Variants in HHLA2 observed in about 807,000 individuals in gnomAD.
HHLA2 encodes the protein HERV-H LTR-associating protein 2.
A neutral mutation model predicts 45.9 loss-of-function variants in HHLA2; 48 were observed. The ratio of observed to expected loss-of-function variants is 1.05; its 90% confidence interval spans 0.83 to 1.33. The LOEUF (loss-of-function observed/expected upper bound fraction) is 1.33, where lower values mean the gene tolerates loss of function less well. Ranked by LOEUF, HHLA2 falls within the 40% of genes most tolerant of loss-of-function variation. The probability of loss-of-function intolerance (pLI) is 0.00; values close to 1 mark genes in which losing one functional copy is unlikely to be tolerated. For missense variants in HHLA2, 462 were observed against 494.3 expected, an observed-to-expected ratio of 0.93 and a Z score of 0.62; for synonymous variants, 161 against 173.9, an observed-to-expected ratio of 0.93 and a Z score of 0.59.
At chr3:108,353,073 A>G (rs1239938121) in intron 4 of HHLA2, among the ~76,000 whole-genome samples, 1 of 152,206 alleles carries the variant, frequency 6.6e-6, no homozygotes, top group African/African-American at 2.4e-5. Context: ...TTAAATGTGA[A>G]TGTGTTCTGG....
intron 4 of HHLA2, among the ~76,000 whole-genome samples, chr3:108,352,370 C>G (rs774049770): frequency 6.6e-5 from 10 of 152,156 alleles, no homozygotes; most frequent in Non-Finnish European, 1.2e-4. Flanking sequence ...GAGATTAAGT[C>G]TCTCTGAGGA....
In HHLA2 at chr3:108,373,016, G is replaced by C. The variant is rs564985544; in HGVS notation, c.1109-2734G>C. ...CATCCTGATAGCAAAGCCTGGCAGAGACACAACCAAAAAAGAGAATTTTAG... is the reference window on the plus strand; with the variant it reads ...CATCCTGATAGCAAAGCCTGGCAGACACACAACCAAAAAAGAGAATTTTAG... On this transcript the variant is annotated intron_variant, in intron 8 of 10. Coordinates refer to ENST00000619531, the Ensembl canonical transcript of HHLA2. Among the ~76,000 whole-genome samples, 4 of 152,254 alleles carry C rather than the reference G, an allele frequency of 2.6e-5. No homozygotes were observed. In the East Asian group the frequency reaches 7.7e-4, roughly 29 times the overall value.
At chr3:108,353,389 A>ATTAAT in intron 4 of HHLA2, 38 bp from the exon 4 acceptor site, 6 of 1,337,580 alleles carry the variant, frequency 4.5e-6, no homozygotes, top group Non-Finnish European at 6.1e-6. Flanking sequence ...AGCACATGGC[A>ATTAAT]TTAATTCTCT....
chr3:108,346,116 C>A (rs2081656755), intron 3 of HHLA2, among the ~76,000 whole-genome samples: 1 of 79,198 alleles, frequency 1.3e-5, no homozygotes, highest in Admixed American at 1.1e-4. Flanking sequence ...TCACCTCCCC[C>A]AAAACGTTAG....
chr3:108,373,919 A>T (rs2082226411), intron 8 of HHLA2, among the ~76,000 whole-genome samples: 1 of 150,846 alleles, frequency 6.6e-6, no homozygotes, highest in African/African-American at 2.4e-5. Context: ...TAATTTATAG[A>T]TTCAATGCCA....
chr3:108,313,722 G>A (rs1437240189), intron 2 of HHLA2, among the ~76,000 whole-genome samples: 3 of 152,182 alleles, frequency 2.0e-5, no homozygotes, highest in Non-Finnish European at 4.4e-5. Context: ...TGTCCTGTAT[G>A]GACCCTACCT....
chr3:108,308,155 G>A (rs990065677), intron 1 of HHLA2, among the ~76,000 whole-genome samples: 7 of 151,792 alleles, frequency 4.6e-5, no homozygotes, highest in Admixed American at 1.3e-4. Flanking sequence ...CACCTTCCCC[G>A]CAACCACCAC....
chr3:108,376,447 TG>T, intron 9 of HHLA2, 45 bp from the exon 9 acceptor site: 1 of 1,475,658 alleles, frequency 6.8e-7, no homozygotes, highest in Non-Finnish European at 9.3e-7. Context: ...AGAATTTTGG[TG>T]TTTGCAAAGA....
intron 5 of HHLA2, among the ~76,000 whole-genome samples, chr3:108,354,779 G>T (rs75856018): frequency 2.0e-5 from 3 of 152,044 alleles, no homozygotes; most frequent in Non-Finnish European, 4.4e-5. Flanking sequence ...GTAGAGTGCC[G>T]CATGAACTCT....
At chr3:108,314,603 A>C (rs2081073974) in intron 2 of HHLA2, among the ~76,000 whole-genome samples, 2 of 152,228 alleles carry the variant, frequency 1.3e-5, no homozygotes, top group African/African-American at 4.8e-5. Flanking sequence ...CCCCGGTCAA[A>C]AGGAAAGCTG....
chr3:108,343,935 A>G (rs549362031), intron 3 of HHLA2, among the ~76,000 whole-genome samples: 3 of 152,314 alleles, frequency 2.0e-5, no homozygotes, highest in African/African-American at 7.2e-5. Context: ...ATCCTCCTCA[A>G]TGTTACAGAA....
intron 2 of HHLA2, among the ~76,000 whole-genome samples, chr3:108,324,526 C>A (rs2081256643): frequency 6.6e-6 from 1 of 152,214 alleles, no homozygotes; most frequent in Admixed American, 6.5e-5. Flanking sequence ...ATCAAGCACT[C>A]CTAGGCTTTC....
chr3:108,298,646 C>T (rs562300255), intron 1 of HHLA2, among the ~76,000 whole-genome samples: 107 of 152,290 alleles, frequency 7.0e-4, no homozygotes, highest in African/African-American at 2.4e-3. Context: ...CTGTTGGAGA[C>T]TAGAATGCAG....
chr3:108,350,845 C>G (rs896062286), intron 3 of HHLA2, among the ~76,000 whole-genome samples: 1 of 151,958 alleles, frequency 6.6e-6, no homozygotes, highest in Non-Finnish European at 1.5e-5. Flanking sequence ...CCACCACACC[C>G]GGCTAATTTT....
intron 1 of HHLA2, among the ~76,000 whole-genome samples, chr3:108,306,132 G>A (rs564756914): frequency 1.4e-4 from 21 of 152,272 alleles, no homozygotes; most frequent in African/African-American, 2.4e-4. Context: ...CAAGCCTGAC[G>A]TTCCTTTCAC....
chr3:108,328,964 G>C (rs928265989), intron 3 of HHLA2, among the ~76,000 whole-genome samples: 1 of 152,164 alleles, frequency 6.6e-6, no homozygotes, highest in African/African-American at 2.4e-5. Context: ...ATCAGAGTTT[G>C]TGCTGGATTC....
intron 1 of HHLA2, among the ~76,000 whole-genome samples, chr3:108,310,243 T>TG (rs2080997034): frequency 6.6e-6 from 1 of 152,160 alleles, no homozygotes. Flanking sequence ...GTTATATTAG[T>TG]CCCAGTTTTG....
chr3:108,375,921 TG>T, intron 9 of HHLA2, 121 bp downstream of exon 8: 1 of 1,283,590 alleles, frequency 7.8e-7, no homozygotes. Flanking sequence ...TCCATACTTC[TG>T]CAGTGAGATG....
intron 1 of HHLA2, among the ~76,000 whole-genome samples, chr3:108,298,473 TA>T (rs1340481730): frequency 6.6e-6 from 1 of 152,252 alleles, no homozygotes; most frequent in Non-Finnish European, 1.5e-5. Flanking sequence ...TAGCCCCAAC[TA>T]AAGTTTCCAG....
Sources: gnomAD v4.1 joint callset for allele counts (sites outside exome capture counted in the v4.1 genomes callset) on GRCh38, gnomAD v4.1.1 for gene constraint, MANE v1.5 for transcripts, NCBI Gene and HGNC (gene_info 2026-07-23, HGNC 2026-07-21) for gene names.